B3GALNT2: variants seen among roughly 807,000 people sequenced by gnomAD.
B3GALNT2 encodes UDP-GalNAc:beta-1,3-N-acetylgalactosaminyltransferase 2.
B3GALNT2 carries 53 observed loss-of-function variants against 61.1 expected under a neutral mutation model. The ratio of observed to expected loss-of-function variants is 0.87; its 90% CI spans 0.70 to 1.09. The LOEUF is 1.09. Among genes scored for constraint, B3GALNT2 ranks in the 50% least tolerant of loss-of-function variants. The probability of loss-of-function intolerance (pLI) is 0.00; values close to 1 mark genes in which losing one functional copy is unlikely to be tolerated. For synonymous variants in B3GALNT2, 223 were observed against 237.4 expected, an observed-to-expected ratio of 0.94 and a Z score of 0.56; for missense variants, 544 against 623.0, an observed-to-expected ratio of 0.87 and a Z score of 1.35.
At chr1:235,446,869 A>C (rs1277537621), downstream of B3GALNT2, among the ~76,000 whole-genome samples, 2 of 151,938 alleles carry the variant, frequency 1.3e-5, no homozygotes, top group East Asian at 1.9e-4. Flanking sequence ...TTTTTTGTAG[A>C]GATGGGGTAT....
chr1:235,491,034 A>C (rs980952708), intron 2 of B3GALNT2, among the ~76,000 whole-genome samples: 1 of 151,814 alleles, frequency 6.6e-6, no homozygotes, highest in Non-Finnish European at 1.5e-5. Context: ...GATAATGCAA[A>C]TTAAGCTTAA....
the B3GALNT2 span, chr1:235,441,220 G>C: frequency 6.5e-6 from 1 of 154,022 alleles, no homozygotes. Flanking sequence ...GAGAAATGTT[G>C]TCACTGTTTG....
Position 235,450,322 on chromosome 1 carries a change from C to CA in B3GALNT2, c.1386dup (p.Glu463Ter). 6.2e-7 allele frequency: 1 copy of CA among 1,614,050 alleles called. No individual in the cohort carries two copies. ...AGCATTCCTGTCTCACAGGTCTTCT[C>CA]ACACAGCCACAGACTGTCCTGTTGA... On this transcript the variant is annotated frameshift_variant, in exon 12 of 12. Coordinates refer to ENST00000366600, the MANE Select transcript of B3GALNT2 (RefSeq NM_152490.5). LOFTEE classifies it high-confidence loss of function.
In B3GALNT2 at chr1:235,458,642, T is replaced by TA; in HGVS notation, c.985dup (p.Tyr329LeufsTer3). On this transcript the variant is annotated frameshift_variant, in exon 8 of 12. Coordinates refer to ENST00000366600, the MANE Select transcript of B3GALNT2 (RefSeq NM_152490.5). LOFTEE classifies it high-confidence loss of function. ...CAATAATTTTGCAGGAACATTACGA[T>TA]AAGTGTCGACAACATCCACAAAAAC... The TA allele has an allele frequency of 6.2e-7, 1 of 1,611,050 alleles. No homozygotes were observed. The highest frequency in any genetic ancestry group is 8.5e-7 in the Non-Finnish European group (1 of 1,179,126).
At chr1:235,459,729 G>GAGGGAAGAGGAATACATCT (rs1406706595) in intron 7 of B3GALNT2, among the ~76,000 whole-genome samples, 7 of 152,212 alleles carry the variant, frequency 4.6e-5, no homozygotes, top group South Asian at 2.1e-4. Context: ...CCTTTGAGGA[G>GAGGGAAGAGGAATACATCT]AGGGAAGAGG....
Position 235,448,663 on chromosome 1 carries a change from ATTTTAGAAGCC to A in B3GALNT2, c.*1532_*1542del, listed in dbSNP as rs1372592190. The A allele has an allele frequency of 3.7e-6, 6 of 1,612,662 alleles. No individual in the cohort carries two copies. Among genetic ancestry groups the A allele is most frequent in the Non-Finnish European group, 4.2e-6 (5 of 1,178,742 alleles). ...CACATCCTTCCCCACCTTCGTTCTA[ATTTTAGAAGCC>A]GGGCAGAGAAATCGAGCTGGAAAAT... is the stretch of plus-strand genomic sequence containing the variant. On this transcript the variant is annotated 3_prime_UTR_variant, in exon 12 of 12. Transcript: ENST00000366600.
At chr1:235,504,013 T>G in intron 1 of B3GALNT2, 128 bp downstream of exon 1, 1 of 1,044,068 alleles carries the variant, frequency 9.6e-7, no homozygotes, top group South Asian at 4.9e-5. Context: ...GAGCCGTTTG[T>G]TTCGTCTGGG....
intron 2 of B3GALNT2, among the ~76,000 whole-genome samples, chr1:235,494,216 C>A (rs890924405): frequency 7.2e-5 from 11 of 152,154 alleles, no homozygotes; most frequent in African/African-American, 2.7e-4. Context: ...AGAACAGAAC[C>A]TTTTAAGAAT....
chr1:235,451,138 A>AT (rs1250406620), intron 11 of B3GALNT2: 1 of 152,208 alleles, frequency 6.6e-6, no homozygotes, highest in Admixed American at 6.5e-5. Context: ...CAGGAGACTA[A>AT]TGGGAGACTG....
chr1:235,471,409 T>C (rs1684002334), intron 5 of B3GALNT2, among the ~76,000 whole-genome samples: 1 of 152,192 alleles, frequency 6.6e-6, no homozygotes, highest in South Asian at 2.1e-4. Context: ...GGTGTACATG[T>C]TTATTTACTC....
chr1:235,484,473 G>A lies in B3GALNT2; in HGVS notation c.404C>T (p.Thr135Ile), dbSNP rs1064796873. 2 of 1,614,168 alleles carry A rather than the reference G, an allele frequency of 1.2e-6. No homozygotes were observed. Among genetic ancestry groups the A allele is most frequent in the Non-Finnish European group, 1.7e-6 (2 of 1,180,026 alleles). ...TCGATCCTCAGGCAGCCCCGATGAA[G>A]TGTCTTCGGACAGACTGAACGCTTC... ...EIEAFSLSED[T>I]SSGLPEDRVV... is the part of the protein sequence containing the mutation. Residue 135 changes from threonine to isoleucine, a missense_variant, in exon 4 of 12, where the codon ACT becomes ATT. Coordinates refer to ENST00000366600, the MANE Select transcript of B3GALNT2 (RefSeq NM_152490.5).
intron 11 of B3GALNT2, chr1:235,452,019 G>GT (rs5781831): frequency 5.5e-4 from 83 of 150,014 alleles, no homozygotes; most frequent in African/African-American, 9.3e-4. Context: ...CTGTCGTTCA[G>GT]TTTTTTTTTT....
At chr1:235,461,507 GTTTTTTTT>G (rs57611133) in intron 7 of B3GALNT2, among the ~76,000 whole-genome samples, 2 of 63,352 alleles carry the variant, frequency 3.2e-5, no homozygotes, top group African/African-American at 6.9e-5. Flanking sequence ...ATGACCTCCT[GTTTTTTTT>G]TTTTTTTTTT....
chr1:235,466,206 A>T (rs189304057), intron 6 of B3GALNT2, among the ~76,000 whole-genome samples: 1,617 of 149,142 alleles, frequency 0.011, 27 homozygotes, highest in African/African-American at 0.029. Context: ...TTAAAAAAAA[A>T]TTTTTTTTTA....
rs890331096 is a variant in B3GALNT2 at position 235,448,004 on chromosome 1, T to G, written c.*2202A>C. ...GGCGGGCGGATCACGAGGTCAGGAG[T>G]TCAAGACCAGCCTGGCCAACATGGT... On this transcript the variant is annotated 3_prime_UTR_variant, in exon 12 of 12. Coordinates refer to ENST00000366600, the MANE Select transcript of B3GALNT2 (RefSeq NM_152490.5). Among the ~76,000 whole-genome samples, 1 of 151,114 alleles carries G rather than the reference T, an allele frequency of 6.6e-6. No individual in the cohort carries two copies. The highest frequency in any genetic ancestry group is 1.5e-5 in the Non-Finnish European group (1 of 67,752).
At position 235,489,219 on chromosome 1, in the gene B3GALNT2, CCA is replaced by C. The variant is rs367543070; in HGVS notation, c.308_309del (p.Val103GlyfsTer10). 2 of 1,614,018 alleles carry C rather than the reference CCA, an allele frequency of 1.2e-6. No homozygotes were observed. The highest frequency in any genetic ancestry group is 2.7e-5 in the African/African-American group (2 of 75,024). On this transcript the variant is annotated frameshift_variant, in exon 3 of 12. Transcript: ENST00000366600. LOFTEE classifies it high-confidence loss of function. ...IIGAHGCEVP[V>X]EDREDPYSCK... is the part of the protein sequence containing the mutation. The stretch of plus-strand genomic sequence containing the variant: ...CAGGAATAAGGATCCTCCCTGTCTT[CCA>C]CAGGCACTTCACAGCCATGAGCACC...
chr1:235,492,254 T>C, intron 2 of B3GALNT2, among the ~76,000 whole-genome samples: 1 of 152,198 alleles, frequency 6.6e-6, no homozygotes, highest in East Asian at 1.9e-4. Context: ...TAAACAGAAA[T>C]GAATAAATGT....
chr1:235,470,909 A>C lies in B3GALNT2; in HGVS notation c.703T>G (p.Ser235Ala). Residue 235 changes from serine (S) to alanine (A), a missense_variant, in exon 6 of 12, where the codon TCA (serine) becomes GCA (alanine). Ser to Ala is a moderately conservative substitution (Grantham distance 99). Transcript: ENST00000366600. ...ACTGTCACTTTGTGGAGATTTCTTG[A>C]CACAAGGCCGTGGAGGTCTTGGCTC... ...WESQDLHGLV[S>A]RNLHKVTVND... 1 of 1,614,114 alleles carries C rather than the reference A, an allele frequency of 6.2e-7. No individual in the cohort carries two copies. The highest frequency in any genetic ancestry group is 8.5e-7 in the Non-Finnish European group (1 of 1,180,006).
intron 8 of B3GALNT2, among the ~76,000 whole-genome samples, chr1:235,456,094 T>C (rs1387481807): frequency 6.6e-6 from 1 of 152,186 alleles, no homozygotes; most frequent in Non-Finnish European, 1.5e-5. Context: ...TCTGGGCCTC[T>C]CACACAGAAC....
Sources: allele counts gnomAD v4.1 joint callset (sites outside exome capture counted in the v4.1 genomes callset), GRCh38; gene constraint gnomAD v4.1.1; transcripts MANE v1.5; gene names NCBI Gene and HGNC (gene_info 2026-07-23, HGNC 2026-07-21).